EYS: variants seen among roughly 807,000 people sequenced by gnomAD.
The protein encoded by EYS is protein eyes shut homolog.
Under a neutral mutation model 282.1 loss-of-function variants are expected in EYS, and 250 were observed. The observed-to-expected ratio is 0.89, with a 90% CI of 0.80 to 0.98. EYS has a LOEUF of 0.98. EYS is among the 50% of genes least tolerant of loss of function. EYS has a pLI of 0.00. For synonymous variants in EYS, 1,355 were observed against 1,282.9 expected (o/e 1.06, Z -1.20); for missense variants, 4,016 against 3,709.0 (o/e 1.08, Z -2.15).
intron 1 of EYS, among the ~76,000 whole-genome samples, chr6:65,694,267 T>TA (rs1334131255): frequency 2.7e-5 from 4 of 147,132 alleles, no homozygotes; most frequent in African/African-American, 7.7e-5. Flanking sequence ...TCAAAAAAAA[T>TA]AAAAAATAAA....
chr6:65,617,749 G>GTGTCCA (rs997622864), intron 2 of EYS, among the ~76,000 whole-genome samples: 5 of 132,184 alleles, frequency 3.8e-5, no homozygotes, highest in African/African-American at 1.2e-4. Context: ...TCCCCTTCCT[G>GTGTCCA]TGTCCATGTG....
Position 65,179,843 on chromosome 6 carries a change from A to G in EYS, c.2023+116020T>C, listed in dbSNP as rs562705112. Among the ~76,000 whole-genome samples the G allele has an allele frequency of 2.2e-4, 33 of 152,156 alleles. No homozygotes were observed. The East Asian group carries it at 4.5e-3, about 21-fold the overall frequency. On this transcript the variant is annotated intron_variant, in intron 12 of 42. Coordinates refer to ENST00000503581, the MANE Select transcript of EYS (RefSeq NM_001142800.2). ...GCAAACCGAATCCAGCAGCACATCAAAAAGCTTATCCACCATGATCAAGTG... is the reference window on the plus strand; with the variant it reads ...GCAAACCGAATCCAGCAGCACATCAGAAAGCTTATCCACCATGATCAAGTG...
intron 1 of EYS, among the ~76,000 whole-genome samples, chr6:65,653,761 G>C (rs1285980103): frequency 2.6e-5 from 4 of 151,854 alleles, no homozygotes; most frequent in African/African-American, 9.7e-5. Context: ...TGACTTTAGA[G>C]AACCCTATTT....
At chr6:65,173,172 G>A (rs1425913142) in intron 12 of EYS, among the ~76,000 whole-genome samples, 5 of 151,326 alleles carry the variant, frequency 3.3e-5, no homozygotes, top group East Asian at 3.9e-4. Flanking sequence ...CTTAAATTAC[G>A]GTGGTGCTGT....
chr6:65,570,556 G>T (rs957489331), intron 2 of EYS, among the ~76,000 whole-genome samples: 18 of 152,054 alleles, frequency 1.2e-4, no homozygotes, highest in African/African-American at 4.3e-4. Flanking sequence ...TGGGTTTATA[G>T]ATTGCTTGAA....
intron 31 of EYS, among the ~76,000 whole-genome samples, chr6:64,173,772 T>A (rs1014426621): frequency 1.3e-5 from 2 of 152,138 alleles, no homozygotes; most frequent in African/African-American, 4.8e-5. Context: ...ACATATCTAA[T>A]GAGTGGTAAA....
At chr6:65,379,924 C>T (rs1170487657) in intron 8 of EYS, among the ~76,000 whole-genome samples, 5 of 151,774 alleles carry the variant, frequency 3.3e-5, no homozygotes, top group Admixed American at 3.3e-4. Context: ...TGTGAAGGAC[C>T]TCTTCAAGGA....
chr6:65,085,603 A>G (rs542124549), intron 12 of EYS, among the ~76,000 whole-genome samples: 2 of 152,120 alleles, frequency 1.3e-5, no homozygotes. Flanking sequence ...GCCCAGAAAA[A>G]TTCAAGGTAA....
At chr6:64,538,008 G>A in intron 26 of EYS, among the ~76,000 whole-genome samples, 1 of 152,258 alleles carries the variant, frequency 6.6e-6, no homozygotes. Context: ...TTTAATAAGT[G>A]TCAGGTCTAT....
intron 19 of EYS, among the ~76,000 whole-genome samples, chr6:64,839,118 A>G (rs1495532): frequency 3.3e-5 from 5 of 151,928 alleles, no homozygotes; most frequent in Non-Finnish European, 5.9e-5. Context: ...ACATTTTGCT[A>G]TACTTTTGAG....
At chr6:65,480,284 TATCACTAATAA>T (rs1265465771) in intron 5 of EYS, among the ~76,000 whole-genome samples, 1 of 152,156 alleles carries the variant, frequency 6.6e-6, no homozygotes, top group Non-Finnish European at 1.5e-5. Context: ...TTTTTCTACA[TATCACTAATAA>T]AAAGACAACT....
intron 29 of EYS, among the ~76,000 whole-genome samples, chr6:64,346,016 C>T (rs560946818): frequency 1.5e-4 from 23 of 152,170 alleles, no homozygotes; most frequent in Middle Eastern, 3.4e-3. Context: ...CATCTCACAC[C>T]GGTTAGAATG....
chr6:64,996,275 A>T (rs1257239046), intron 14 of EYS, among the ~76,000 whole-genome samples: 1 of 152,076 alleles, frequency 6.6e-6, no homozygotes, highest in African/African-American at 2.4e-5. Flanking sequence ...ATAATAGACT[A>T]ATAGTTTATT....
chr6:65,386,874 G>C (rs1002845881), intron 7 of EYS, among the ~76,000 whole-genome samples: 4 of 151,842 alleles, frequency 2.6e-5, no homozygotes. Context: ...ACTATTTTGA[G>C]ACTTTAGGGT....
chr6:64,097,995 C>A (rs1772690903), intron 31 of EYS, among the ~76,000 whole-genome samples: 1 of 152,114 alleles, frequency 6.6e-6, no homozygotes, highest in Non-Finnish European at 1.5e-5. Context: ...TTATATCTTT[C>A]AGACTGGAAA....
intron 22 of EYS, among the ~76,000 whole-genome samples, chr6:64,664,398 G>T (rs1194337185): frequency 6.6e-6 from 1 of 152,114 alleles, no homozygotes; most frequent in African/African-American, 2.4e-5. Flanking sequence ...GTGTTTAAAG[G>T]TGGATGCAGT....
At chr6:64,863,199 C>T (rs1310301007) in intron 19 of EYS, among the ~76,000 whole-genome samples, 5 of 152,042 alleles carry the variant, frequency 3.3e-5, no homozygotes, top group East Asian at 3.8e-4. Flanking sequence ...ATATTTTCTT[C>T]GCCATGCATT....
chr6:65,217,848 A>G (rs1389584040), intron 12 of EYS, among the ~76,000 whole-genome samples: 3 of 152,114 alleles, frequency 2.0e-5, no homozygotes, highest in Non-Finnish European at 4.4e-5. Flanking sequence ...AAGGACACTG[A>G]CATGCCAGTA....
At chr6:64,894,779 A>G (rs549150865) in intron 18 of EYS, among the ~76,000 whole-genome samples, 24 of 152,170 alleles carry the variant, frequency 1.6e-4, no homozygotes, top group Non-Finnish European at 3.1e-4. Flanking sequence ...TTCTGAAAGT[A>G]TACTTATCTC....
Sources: gnomAD v4.1 joint callset for allele counts (sites outside exome capture counted in the v4.1 genomes callset) on GRCh38, gnomAD v4.1.1 for gene constraint, MANE v1.5 for transcripts, NCBI Gene and HGNC (gene_info 2026-07-23, HGNC 2026-07-21) for gene names.